Variants in COL24A1 observed in about 807,000 individuals in gnomAD.
COL24A1 encodes collagen alpha-1(XXIV) chain.
COL24A1 carries 224 observed loss-of-function variants against 253.9 expected under a neutral mutation model. That is an observed-to-expected ratio of 0.88 (90% confidence interval 0.79 to 0.99). The LOEUF (loss-of-function observed/expected upper bound fraction) is 0.99, where lower values mean the gene tolerates loss of function less well. Among genes scored for constraint, COL24A1 ranks in the 50% least tolerant of loss-of-function variants. The probability of loss-of-function intolerance (pLI) is 0.00; values close to 1 mark genes in which losing one functional copy is unlikely to be tolerated. For missense variants in COL24A1, 2,131 were observed against 2,068.5 expected, an observed-to-expected ratio of 1.03 and a Z score of -0.59; for synonymous variants, 685 against 673.7, an observed-to-expected ratio of 1.02 and a Z score of -0.26.
intron 47 of COL24A1, among the ~76,000 whole-genome samples, chr1:85,786,929 T>C (rs1669743717): frequency 6.6e-6 from 1 of 152,236 alleles, no homozygotes; most frequent in Admixed American, 6.5e-5. Flanking sequence ...CAGTATATCC[T>C]TAAAACTAAA....
chr1:85,775,552 T>G, intron 53 of COL24A1, 122 bp downstream of exon 53: 2 of 804,396 alleles, frequency 2.5e-6, no homozygotes, highest in Non-Finnish European at 3.9e-6. Context: ...CAACTGCAAT[T>G]TTATTTTTAT....
chr1:85,926,934 T>A (rs1216953753), intron 24 of COL24A1, among the ~76,000 whole-genome samples: 3 of 151,850 alleles, frequency 2.0e-5, no homozygotes, highest in Non-Finnish European at 4.4e-5. Flanking sequence ...TGTGGGAAGG[T>A]TTAAGAAGGA....
At chr1:85,799,951 A>C (rs1671257092) in intron 47 of COL24A1, among the ~76,000 whole-genome samples, 1 of 152,210 alleles carries the variant, frequency 6.6e-6, no homozygotes, top group African/African-American at 2.4e-5. Flanking sequence ...AACAGTATTT[A>C]ACATTACTGT....
At chr1:86,015,648 G>C (rs2101210167) in intron 19 of COL24A1, among the ~76,000 whole-genome samples, 1 of 152,206 alleles carries the variant, frequency 6.6e-6, no homozygotes, top group Admixed American at 6.5e-5. Flanking sequence ...AATAGATTCT[G>C]TATCCTCAGT....
intron 32 of COL24A1, among the ~76,000 whole-genome samples, chr1:85,885,263 C>T (rs534862378): frequency 3.8e-4 from 57 of 151,760 alleles, no homozygotes; most frequent in African/African-American, 1.2e-3. Flanking sequence ...TGCAGTGGCG[C>T]GATCTCGGCT....
chr1:85,809,336 G>T (rs1672299243), intron 47 of COL24A1, among the ~76,000 whole-genome samples: 1 of 152,144 alleles, frequency 6.6e-6, no homozygotes, highest in Non-Finnish European at 1.5e-5. Flanking sequence ...GAGCAAGGAA[G>T]GGGTTAATTT....
At chr1:85,791,506 T>C (rs1248526156) in intron 47 of COL24A1, among the ~76,000 whole-genome samples, 1 of 152,158 alleles carries the variant, frequency 6.6e-6, no homozygotes, top group Non-Finnish European at 1.5e-5. Context: ...ATCTTAGACC[T>C]AGATGCAATA....
At chr1:85,824,089 C>G (rs966352216) in intron 43 of COL24A1, among the ~76,000 whole-genome samples, 8 of 151,998 alleles carry the variant, frequency 5.3e-5, no homozygotes, top group African/African-American at 1.9e-4. Context: ...AGTTAAGGAT[C>G]TCAAGATAAG....
Position 85,834,387 on chromosome 1 carries a change from G to T in COL24A1, c.3681+4198C>A, listed in dbSNP as rs569800205. Among the ~76,000 whole-genome samples the T allele has an allele frequency of 5.9e-5, 9 of 152,194 alleles. No individual in the cohort carries two copies. The South Asian group carries it at 1.9e-3, about 32-fold the overall frequency. On this transcript the variant is annotated intron_variant, in intron 43 of 59. Coordinates refer to ENST00000370571, the MANE Select transcript of COL24A1 (RefSeq NM_152890.7). ...ATCTACTGGTTTAGACATCTGAATG[G>T]CTGGTGATACTATTCACTGAATTGA...
intron 1 of COL24A1, among the ~76,000 whole-genome samples, chr1:86,153,497 C>T (rs1415836520): frequency 6.6e-6 from 1 of 152,174 alleles, no homozygotes; most frequent in Non-Finnish European, 1.5e-5. Flanking sequence ...CTTTACTTCT[C>T]ATTAGAGTTA....
chr1:85,851,993 T>G (rs1677819876), intron 37 of COL24A1, among the ~76,000 whole-genome samples: 1 of 152,202 alleles, frequency 6.6e-6, no homozygotes, highest in Admixed American at 6.5e-5. Flanking sequence ...TCCCCTTTCC[T>G]TATAAGGTCA....
At chr1:85,798,376 G>A (rs192497970) in intron 47 of COL24A1, among the ~76,000 whole-genome samples, 263 of 152,116 alleles carry the variant, frequency 1.7e-3, no homozygotes, top group African/African-American at 5.7e-3. Flanking sequence ...AACAAGCGGC[G>A]GGGTTGGGGG....
At chr1:85,737,361 T>C (rs373867958) in intron 58 of COL24A1, 35 bp downstream of exon 58, 2 of 1,336,578 alleles carry the variant, frequency 1.5e-6, no homozygotes, top group East Asian at 2.4e-5. Context: ...TACTGTGCAA[T>C]ATAACGACAT....
At chr1:86,071,438 C>T (rs1183925605) in intron 7 of COL24A1, among the ~76,000 whole-genome samples, 1 of 152,060 alleles carries the variant, frequency 6.6e-6, no homozygotes, top group African/African-American at 2.4e-5. Context: ...CTAACCTCTC[C>T]AATCAAAAGA....
At chr1:86,071,583 G>C (rs1323872711) in intron 7 of COL24A1, among the ~76,000 whole-genome samples, 2 of 151,986 alleles carry the variant, frequency 1.3e-5, no homozygotes, top group Admixed American at 6.5e-5. Flanking sequence ...AACGAAAAAA[G>C]AGCAAGAATA....
chr1:86,062,389 A>C (rs141797178), intron 8 of COL24A1, among the ~76,000 whole-genome samples: 28 of 148,832 alleles, frequency 1.9e-4, no homozygotes, highest in Admixed American at 1.1e-3. Flanking sequence ...GTTAACACAA[A>C]TTTTGCCTGT....
chr1:85,730,689 G>C lies in COL24A1; in HGVS notation c.5002C>G (p.Gln1668Glu), dbSNP rs1390407538. The change falls in exon 60 of 60, where the codon CAA becomes GAA. Residue 1668 changes from glutamine (Q) to glutamate (E), a missense_variant. Gln to Glu is a conservative substitution (Grantham distance 29). Transcript: ENST00000370571. ...PKVLSDDCKIQDGSWHKATFL... is the reference protein window; with the variant it reads ...PKVLSDDCKIEDGSWHKATFL... ...GTTGCCTTATGCCAGCTGCCATCTT[G>C]AATCTGTAAAATAAGAACAAAATGC... 1 of 1,613,680 alleles carries C rather than the reference G, an allele frequency of 6.2e-7. No individual in the cohort carries two copies. The highest frequency in any genetic ancestry group is 1.1e-5 in the South Asian group (1 of 91,032).
intron 35 of COL24A1, among the ~76,000 whole-genome samples, chr1:85,869,861 T>C (rs564103642): frequency 6.6e-6 from 1 of 152,240 alleles, no homozygotes; most frequent in South Asian, 2.1e-4. Flanking sequence ...TAACCTTAGA[T>C]GTAAATGGGC....
chr1:85,734,640 C>T, intron 59 of COL24A1, 109 bp downstream of exon 59: 2 of 941,142 alleles, frequency 2.1e-6, no homozygotes, highest in South Asian at 3.1e-5. Context: ...TACTACCCTT[C>T]TGTATCTGCA....
Sources: allele counts gnomAD v4.1 joint callset (sites outside exome capture counted in the v4.1 genomes callset), GRCh38; gene constraint gnomAD v4.1.1; transcripts MANE v1.5; gene names NCBI Gene and HGNC (gene_info 2026-07-23, HGNC 2026-07-21).